The following MYO1C variants were observed in gnomAD, a reference collection of about 807,000 sequenced individuals.
MYO1C encodes the protein unconventional myosin-Ic.
A neutral mutation model predicts 150.8 loss-of-function variants in MYO1C; 104 were observed. That is an observed-to-expected ratio of 0.69 (90% CI 0.59 to 0.81). MYO1C has a LOEUF of 0.81. Among genes scored for constraint, MYO1C ranks in the 30% least tolerant of loss-of-function variants. The pLI is 0.00. For missense variants in MYO1C, 1,504 were observed against 1,435.0 expected, an observed-to-expected ratio of 1.05 and a Z score of -0.78; for synonymous variants, 663 against 579.9, an observed-to-expected ratio of 1.14 and a Z score of -2.06.
At chr17:1,486,618 C>T (rs912180151) in intron 1 of MYO1C, among the ~76,000 whole-genome samples, 3 of 151,970 alleles carry the variant, frequency 2.0e-5, no homozygotes, top group Non-Finnish European at 4.4e-5. Flanking sequence ...CGGGTTCTAG[C>T]GATTTTCCTG....
chr17:1,470,802 G>C, intron 21 of MYO1C, 113 bp from the exon 22 acceptor site: 1 of 1,156,654 alleles, frequency 8.6e-7, no homozygotes. Context: ...AGGAACCAAC[G>C]AGCAGGAGGA....
chr17:1,482,034 T>C (rs2074533625), intron 5 of MYO1C, among the ~76,000 whole-genome samples: 2 of 151,942 alleles, frequency 1.3e-5, no homozygotes, highest in Non-Finnish European at 2.9e-5. Flanking sequence ...TGCTCCTATC[T>C]CCATCAAGCC....
chr17:1,481,943 G>C (rs572596407), intron 5 of MYO1C, among the ~76,000 whole-genome samples: 2 of 152,062 alleles, frequency 1.3e-5, no homozygotes, highest in East Asian at 1.9e-4. Context: ...TGCTGTCCTG[G>C]AACACTTCCA....
intron 14 of MYO1C, among the ~76,000 whole-genome samples, chr17:1,477,054 G>A (rs1027603293): frequency 2.0e-5 from 3 of 151,590 alleles, no homozygotes; most frequent in Admixed American, 6.6e-5. Context: ...GCCCAGGCTC[G>A]TTTTGAACTC....
At chr17:1,469,139 G>A (rs2074241973) in intron 25 of MYO1C, 1 of 345,330 alleles carries the variant, frequency 2.9e-6, no homozygotes. Context: ...AGCAGACCGG[G>A]GTAAATAGAG....
At chr17:1,480,980 C>A in intron 5 of MYO1C, 95 bp from the exon 6 acceptor site, 1 of 1,418,440 alleles carries the variant, frequency 7.1e-7, no homozygotes, top group South Asian at 1.2e-5. Flanking sequence ...CTTTGGCAGC[C>A]AGACCTGGAT....
chr17:1,464,923 C>T lies in MYO1C; in HGVS notation c.*803G>A, dbSNP rs1199649133. 5 of 152,014 alleles carry T rather than the reference C, an allele frequency of 3.3e-5. No homozygotes were observed. The highest frequency in any genetic ancestry group is 5.9e-5 in the Non-Finnish European group (4 of 68,182). 9.4% of individuals were successfully genotyped at this position (152,014 alleles called of 1,614,324 possible). A position where few individuals can be genotyped will look rare whatever the true frequency, so the allele number is the denominator to read the frequency against. ...CACTTCCCGGGTTCAAGTGATTCTC[C>T]TGCCTCAGCCTCCCGAGTAGCTGGG... On this transcript the variant is annotated 3_prime_UTR_variant, in exon 32 of 32. Transcript: ENST00000648651.
intron 5 of MYO1C, among the ~76,000 whole-genome samples, chr17:1,482,145 C>G (rs2074535949): frequency 6.6e-6 from 1 of 152,104 alleles, no homozygotes; most frequent in African/African-American, 2.4e-5. Flanking sequence ...CTCCTGGCCT[C>G]AAGTGATCCT....
rs114214340 is a variant in MYO1C, at chr17:1,467,551, G to T, written c.2994C>A (p.His998Gln). Residue 998 changes from histidine (H) to glutamine (Q), a missense_variant, in exon 30 of 32, where the codon CAC (histidine) becomes CAA (glutamine). Physicochemically the swap from His to Gln is conservative, Grantham distance 24. Coordinates refer to ENST00000648651, the MANE Select transcript of MYO1C (RefSeq NM_001080779.2). ...QKGDVVLQSD[H>Q]VIETLTKTAL... is the part of the protein sequence containing the mutation. The stretch of plus-strand genomic sequence containing the variant: ...CTGTCTTGGTCAGCGTCTCAATCAC[G>T]TGGTCACTCTGCAGCACCACATCTC... 51 of 1,613,250 alleles carry T rather than the reference G, an allele frequency of 3.2e-5. No individual in the cohort carries two copies. Among genetic ancestry groups the T allele is most frequent in the Non-Finnish European group, 4.3e-5 (51 of 1,179,938 alleles).
In MYO1C at chr17:1,468,128, G is replaced by T; in HGVS notation, c.2761-5C>A. ...TTTCACAACAGGCACCGCATACTGGGGACAGAGGCCAGGCTGAAGGGGCTG... is the reference window on the plus strand; with the variant it reads ...TTTCACAACAGGCACCGCATACTGGTGACAGAGGCCAGGCTGAAGGGGCTG... On this transcript the variant is annotated splice_polypyrimidine_tract_variant and splice_region_variant and intron_variant, in intron 27 of 31. Transcript: ENST00000648651. The T allele has an allele frequency of 6.2e-7, 1 of 1,613,392 alleles. No individual in the cohort carries two copies. Among genetic ancestry groups the T allele is most frequent in the East Asian group, 2.2e-5 (1 of 44,812 alleles).
At chr17:1,485,260 A>G in intron 1 of MYO1C, 3 of 1,161,352 alleles carry the variant, frequency 2.6e-6, no homozygotes, top group Non-Finnish European at 3.2e-6. Flanking sequence ...ATGGACACCC[A>G]GAGTATCCAG....
rs926348342 is a variant in MYO1C at position 1,468,289 on chromosome 17, G to C, written c.2724C>G (p.Pro908=). 7.4e-6 allele frequency: 12 copies of C among 1,613,834 alleles called. No homozygotes were observed. Among genetic ancestry groups the C allele is most frequent in the African/African-American group, 1.3e-5 (1 of 74,904 alleles). ...STRLGTDEIS[P]RVLQALGSEP... ...CAGAGCCCAAGGCCTGCAGCACTCG[G>C]GGGCTGATCTCATCTGTACCTGCAA... is the stretch of plus-strand genomic sequence containing the variant. Residue 908 remains proline (P), a synonymous_variant, in exon 27 of 32, where the codon CCC becomes CCG. Transcript: ENST00000648651.
At chr17:1,465,897 G>A (rs983087939) in intron 31 of MYO1C, 145 bp from the exon 32 acceptor site, 2 of 543,228 alleles carry the variant, frequency 3.7e-6, no homozygotes, top group African/African-American at 1.9e-5. Context: ...GGACTCCTGG[G>A]CTCAAGCTGT....
At chr17:1,468,152 T>G in intron 27 of MYO1C, 29 bp from the exon 28 acceptor site, 1 of 1,612,642 alleles carries the variant, frequency 6.2e-7, no homozygotes, top group African/African-American at 1.3e-5. Flanking sequence ...CTGAAGGGGC[T>G]GGGGAGAGGC....
intron 24 of MYO1C, 58 bp from the exon 25 acceptor site, chr17:1,469,672 C>T (rs573533978): frequency 5.8e-6 from 8 of 1,373,530 alleles, no homozygotes; most frequent in South Asian, 2.4e-5. Context: ...CCTCTGAAGA[C>T]ATCGAACATA....
Position 1,478,849 on chromosome 17 carries a change from C to T in MYO1C, c.1093-114G>A. On this transcript the variant is annotated intron_variant, in intron 9 of 31. Transcript: ENST00000648651. The surrounding 1 kb of genome is among the most constrained non-coding windows in gnomAD (Gnocchi z 6.3). The stretch of plus-strand genomic sequence containing the variant: ...CACCACTCTGCACTCCCAGCTCCAG[C>T]AAGCCTGCAGTATGGGGAGGGGTGC... 2 of 1,529,780 alleles carry T rather than the reference C, an allele frequency of 1.3e-6. No homozygotes were observed. Among genetic ancestry groups the T allele is most frequent in the Non-Finnish European group, 1.8e-6 (2 of 1,130,506 alleles). The allele number at this position is 1,529,780 out of a possible 1,614,324, so 94.8% of individuals were successfully genotyped here.
At position 1,470,459 on chromosome 17, in the gene MYO1C, T is replaced by A; in HGVS notation, c.2342A>T (p.Lys781Met). ...TLGRRKAAKR[K>M]WAAQTIRRLI... The stretch of plus-strand genomic sequence containing the variant: ...CCGCCGGATGGTCTGTGCCGCCCAC[T>A]TCCTCTTGGCTGCCTTCCTCCGGCC... Residue 781 changes from lysine (K) to methionine (M), a missense_variant, in exon 23 of 32, where the codon AAG becomes ATG. Transcript: ENST00000648651. 2 of 1,550,874 alleles carry A rather than the reference T, an allele frequency of 1.3e-6. No homozygotes were observed. Among genetic ancestry groups the A allele is most frequent in the African/African-American group, 1.4e-5 (1 of 73,176 alleles).
rs2074449320 is a variant in MYO1C, at chr17:1,478,622, G to A, written c.1206C>T (p.Ala402=). The A allele has an allele frequency of 6.2e-7, 1 of 1,614,120 alleles. No homozygotes were observed. The part of the protein sequence containing the change: ...WLVGKINRSL[A]SKDVESPSWR... ...GTGTGGACCGAGCCCTCACCTTGGA[G>A]GCCAGCGACCTGTTGATCTTCCCGA... is the stretch of plus-strand genomic sequence containing the variant. The change falls in exon 10 of 32, where the codon GCC becomes GCT. Residue 402 remains alanine, a synonymous_variant. Transcript: ENST00000648651. The surrounding 1 kb of genome is among the most constrained non-coding windows in gnomAD (Gnocchi z 6.3).
At chr17:1,490,506 A>C (rs2150971152) in intron 1 of MYO1C, among the ~76,000 whole-genome samples, 1 of 152,038 alleles carries the variant, frequency 6.6e-6, no homozygotes, top group Non-Finnish European at 1.5e-5. Flanking sequence ...TCAAAACAAA[A>C]CAAAACAACA....
Sources: allele counts gnomAD v4.1 joint callset (sites outside exome capture counted in the v4.1 genomes callset), GRCh38; gene constraint gnomAD v4.1.1; non-coding constraint Gnocchi (gnomAD v3.1); transcripts MANE v1.5; gene names NCBI Gene and HGNC (gene_info 2026-07-23, HGNC 2026-07-21).